The following FBLN7 variants were observed in gnomAD, a reference collection of about 807,000 sequenced individuals.
FBLN7 encodes fibulin-7.
FBLN7 carries 31 observed loss-of-function variants against 44.0 expected under a neutral mutation model. That is an observed-to-expected ratio of 0.70 (90% CI 0.53 to 0.95). FBLN7 has a LOEUF of 0.95. Ranked by LOEUF, FBLN7 falls within the 40% of genes least tolerant of loss-of-function variation. The pLI, the probability that FBLN7 is intolerant of heterozygous loss-of-function variation, is 0.00. For missense variants in FBLN7, 573 were observed against 618.5 expected (o/e 0.93, Z 0.78); for synonymous variants, 262 against 253.4 (o/e 1.03, Z -0.32).
At chr2:112,168,510 G>A (rs759586020) in intron 3 of FBLN7, among the ~76,000 whole-genome samples, 5 of 152,324 alleles carry the variant, frequency 3.3e-5, no homozygotes, top group South Asian at 2.1e-4. Context: ...TGCCTGCACC[G>A]ACACTTCTGT....
chr2:112,155,904 G>A (rs1388893810), intron 1 of FBLN7, among the ~76,000 whole-genome samples: 1 of 152,238 alleles, frequency 6.6e-6, no homozygotes, highest in African/African-American at 2.4e-5. Context: ...GTTCCTGGCA[G>A]TATGCTTGCC....
intron 1 of FBLN7, among the ~76,000 whole-genome samples, chr2:112,159,000 G>A (rs768786879): frequency 6.6e-6 from 1 of 152,128 alleles, no homozygotes; most frequent in Non-Finnish European, 1.5e-5. Context: ...TTCTAGCCCC[G>A]GAACTGTGAG....
chr2:112,240,984 T>TGTGC, the FBLN7 span, among the ~76,000 whole-genome samples: 333 of 132,426 alleles, frequency 2.5e-3, no homozygotes, highest in South Asian at 0.012. Context: ...TGTGTGTGTG[T>TGTGC]GCGCGTGTGT....
Position 112,187,656 on chromosome 2 carries a change from CCA to C in FBLN7, c.*151_*152del. 1 of 1,065,246 alleles carries C rather than the reference CCA, an allele frequency of 9.4e-7. No homozygotes were observed. The highest frequency in any genetic ancestry group is 1.4e-6 in the Non-Finnish European group (1 of 737,754). The allele number at this position is 1,065,246 out of a possible 1,614,324, so 66.0% of individuals were successfully genotyped here. On this transcript the variant is annotated 3_prime_UTR_variant, in exon 8 of 8. Coordinates refer to ENST00000331203, the MANE Select transcript of FBLN7 (RefSeq NM_153214.3). This position sits in a 1 kb window ranked among gnomAD's most constrained non-coding sequence, Gnocchi z 5.1. ...TTCTAGGGCAGCGTTGCACGGCGCCCCATGGAATAGCACGGAAGAGCAGCCAC... is the reference window on the plus strand; with the variant it reads ...TTCTAGGGCAGCGTTGCACGGCGCCCTGGAATAGCACGGAAGAGCAGCCAC...
At chr2:112,186,501 G>A (rs1370680176) in intron 7 of FBLN7, among the ~76,000 whole-genome samples, 2 of 152,122 alleles carry the variant, frequency 1.3e-5, no homozygotes, top group Admixed American at 6.5e-5. Flanking sequence ...TTAGCTGGGC[G>A]TGGTGGTGGG....
chr2:112,159,785 T>TGGCC lies in FBLN7; in HGVS notation c.187_190dup (p.Ala64GlyfsTer73), dbSNP rs751603966. On this transcript the variant is annotated frameshift_variant, in exon 2 of 8. Coordinates refer to ENST00000331203, the MANE Select transcript of FBLN7 (RefSeq NM_153214.3). LOFTEE classifies it high-confidence loss of function. ...GGCATCCGCCACATGAAGAGCCGGC[T>TGGCC]GGCCGCGCTGCAGAACTCTGTGGGC... is the stretch of plus-strand genomic sequence containing the variant. 1 of 1,597,786 alleles carries TGGCC rather than the reference T, an allele frequency of 6.3e-7. No homozygotes were observed. The highest frequency in any genetic ancestry group is 8.5e-7 in the Non-Finnish European group (1 of 1,172,878).
intron 1 of FBLN7, among the ~76,000 whole-genome samples, chr2:112,146,616 A>G (rs1051871220): frequency 4.4e-5 from 6 of 135,812 alleles, no homozygotes; most frequent in Admixed American, 2.4e-4. Context: ...TATCCCTAGT[A>G]TGGAGAAATC....
At chr2:112,211,844 C>A in the FBLN7 span, 1 of 152,190 alleles carries the variant, frequency 6.6e-6, no homozygotes, top group African/African-American at 2.4e-5. Context: ...CAGGAATCAA[C>A]AGCACTTTTA....
the FBLN7 span, among the ~76,000 whole-genome samples, chr2:112,193,314 G>A: frequency 6.6e-6 from 1 of 152,164 alleles, no homozygotes; most frequent in Non-Finnish European, 1.5e-5. Flanking sequence ...GGTGGCACAT[G>A]CCTGTAATCC....
the FBLN7 span, among the ~76,000 whole-genome samples, chr2:112,235,483 C>T: frequency 6.6e-6 from 1 of 152,154 alleles, no homozygotes; most frequent in African/African-American, 2.4e-5. Context: ...ACCTGAACCA[C>T]AGGGCTTCAG....
intron 3 of FBLN7, among the ~76,000 whole-genome samples, chr2:112,165,731 T>C (rs549662908): frequency 5.9e-5 from 9 of 152,318 alleles, no homozygotes; most frequent in African/African-American, 1.2e-4. Flanking sequence ...TCTGTCTGCA[T>C]TGGGACTTGG....
At chr2:112,204,668 G>GA in the FBLN7 span, among the ~76,000 whole-genome samples, 10 of 152,094 alleles carry the variant, frequency 6.6e-5, no homozygotes, top group African/African-American at 1.9e-4. Context: ...AGAGATCAAA[G>GA]AAAAAAAGCT....
the FBLN7 span, among the ~76,000 whole-genome samples, chr2:112,227,521 T>C: frequency 2.0e-5 from 3 of 152,278 alleles, no homozygotes; most frequent in East Asian, 3.9e-4. Context: ...AGCAAGACTT[T>C]GTCTCAAAAA....
the FBLN7 span, chr2:112,211,687 T>C: frequency 6.6e-6 from 1 of 152,210 alleles, no homozygotes; most frequent in Non-Finnish European, 1.5e-5. Context: ...TTGTAAAATA[T>C]ATTCCAGTTT....
intron 2 of FBLN7, among the ~76,000 whole-genome samples, chr2:112,164,410 T>G (rs1682030129): frequency 6.6e-6 from 1 of 152,112 alleles, no homozygotes; most frequent in Non-Finnish European, 1.5e-5. Flanking sequence ...ATAAGAAAGT[T>G]CGGATGGTTA....
intron 3 of FBLN7, among the ~76,000 whole-genome samples, chr2:112,168,662 C>T (rs765255515): frequency 7.2e-5 from 11 of 152,112 alleles, no homozygotes; most frequent in Non-Finnish European, 1.5e-4. Context: ...AGGGTGTGGA[C>T]GGGACACAGG....
intron 3 of FBLN7, among the ~76,000 whole-genome samples, chr2:112,172,155 G>A (rs1049205438): frequency 1.3e-5 from 2 of 152,172 alleles, no homozygotes; most frequent in Admixed American, 1.3e-4. Flanking sequence ...GATTAACACA[G>A]CAAATTCCTT....
At chr2:112,237,818 C>T in the FBLN7 span, among the ~76,000 whole-genome samples, 6 of 152,128 alleles carry the variant, frequency 3.9e-5, no homozygotes, top group Admixed American at 2.0e-4. Flanking sequence ...CCACCAGCCT[C>T]GGCCTTCCAA....
At chr2:112,243,237 T>C in the FBLN7 span, among the ~76,000 whole-genome samples, 1 of 152,348 alleles carries the variant, frequency 6.6e-6, no homozygotes, top group East Asian at 1.9e-4. Context: ...TTTTTCAGAC[T>C]TTAAGTGCTT....
Sources: gnomAD v4.1 joint callset for allele counts (sites outside exome capture counted in the v4.1 genomes callset) on GRCh38, gnomAD v4.1.1 for gene constraint, Gnocchi (gnomAD v3.1) non-coding constraint, MANE v1.5 for transcripts, NCBI Gene and HGNC (gene_info 2026-07-23, HGNC 2026-07-21) for gene names.